Variants in ADAM18 observed in about 807,000 individuals in gnomAD.
ADAM18 encodes the protein ADAM metallopeptidase domain 18, also known as disintegrin and metalloproteinase domain-containing protein 18.
A neutral mutation model predicts 94.4 loss-of-function variants in ADAM18; 117 were observed. The observed-to-expected ratio is 1.24, with a 90% confidence interval of 1.07 to 1.45. The LOEUF is 1.45. ADAM18 is among the 40% of genes most tolerant of loss of function. The pLI, the probability that ADAM18 is intolerant of heterozygous loss-of-function variation, is 0.00. For synonymous variants in ADAM18, 327 were observed against 291.6 expected (o/e 1.12, Z -1.24); for missense variants, 936 against 880.0 (o/e 1.06, Z -0.81).
At chr8:39,718,274 A>G (rs1822636757) in intron 18 of ADAM18, among the ~76,000 whole-genome samples, 1 of 151,604 alleles carries the variant, frequency 6.6e-6, no homozygotes, top group Non-Finnish European at 1.5e-5. Flanking sequence ...TATCCATCAT[A>G]GCACTATTCA....
At chr8:39,586,802 ATATC>A (rs71518173) in intron 2 of ADAM18, among the ~76,000 whole-genome samples, 19,288 of 130,268 alleles carry the variant, frequency 0.15, 1,494 homozygotes, top group Non-Finnish European at 0.2. Context: ...CTATCTATCT[ATATC>A]TATCTATCTA....
At chr8:39,615,764 A>G (rs1819421470) in intron 6 of ADAM18, among the ~76,000 whole-genome samples, 1 of 152,170 alleles carries the variant, frequency 6.6e-6, no homozygotes, top group Non-Finnish European at 1.5e-5. Context: ...GAAGAGGTCA[A>G]TCTCTCTCTC....
intron 18 of ADAM18, among the ~76,000 whole-genome samples, chr8:39,720,139 CTGT>C (rs1367466386): frequency 6.6e-6 from 1 of 151,456 alleles, no homozygotes; most frequent in African/African-American, 2.4e-5. Context: ...AAGAAATAAA[CTGT>C]TGTTATATAC....
chr8:39,611,353 T>G, intron 6 of ADAM18: 1 of 789,852 alleles, frequency 1.3e-6, no homozygotes, highest in Non-Finnish European at 1.5e-6. Flanking sequence ...TTACCATACT[T>G]GGAGCTCAAA....
At position 39,584,687 on chromosome 8, in the gene ADAM18, T is replaced by TG; in HGVS notation, c.55+13dup. Reference sequence around the variant, plus strand: ...CTGCAAGCCCACGAAGGTAAGTCCATGGGAGCCTCCCCTTTCTTCTTCGAC... The same window carrying TG: ...CTGCAAGCCCACGAAGGTAAGTCCATGGGGAGCCTCCCCTTTCTTCTTCGAC... On this transcript the variant is annotated intron_variant, in intron 1 of 19. Coordinates refer to ENST00000265707, the MANE Select transcript of ADAM18 (RefSeq NM_014237.3). 6.2e-7 allele frequency: 1 copy of TG among 1,612,656 alleles called. No individual in the cohort carries two copies. Among genetic ancestry groups the TG allele is most frequent in the Non-Finnish European group, 8.5e-7 (1 of 1,179,912 alleles).
intron 18 of ADAM18, among the ~76,000 whole-genome samples, chr8:39,719,491 A>C (rs981523158): frequency 6.6e-6 from 1 of 151,388 alleles, no homozygotes; most frequent in East Asian, 1.9e-4. Context: ...GACTTTTGCT[A>C]TTCAAAAGCC....
intron 14 of ADAM18, among the ~76,000 whole-genome samples, chr8:39,674,690 A>G (rs532112772): frequency 6.6e-6 from 1 of 152,256 alleles, no homozygotes; most frequent in African/African-American, 2.4e-5. Context: ...TATTTTTCCC[A>G]TTAATTGATG....
chr8:39,644,097 A>C (rs186674393), intron 10 of ADAM18, among the ~76,000 whole-genome samples: 3 of 152,166 alleles, frequency 2.0e-5, no homozygotes, highest in Non-Finnish European at 1.5e-5. Context: ...TTAGTTATGC[A>C]TTACACAGAT....
intron 6 of ADAM18, among the ~76,000 whole-genome samples, chr8:39,611,736 A>G (rs533599967): frequency 3.8e-4 from 58 of 152,298 alleles, no homozygotes; most frequent in African/African-American, 1.3e-3. Flanking sequence ...GTGGAGAAAA[A>G]AAAAAGTGCC....
intron 10 of ADAM18, among the ~76,000 whole-genome samples, chr8:39,639,950 A>G (rs1563286862): frequency 6.6e-6 from 1 of 152,066 alleles, no homozygotes; most frequent in Non-Finnish European, 1.5e-5. Context: ...ATGAGCTCCT[A>G]TAATTTACTG....
At chr8:39,649,515 ATTTT>A (rs1213348798) in intron 12 of ADAM18, among the ~76,000 whole-genome samples, 2 of 152,146 alleles carry the variant, frequency 1.3e-5, no homozygotes, top group African/African-American at 4.8e-5. Flanking sequence ...AATACTAGCT[ATTTT>A]TTATGAATCA....
At chr8:39,677,662 T>C (rs963828594) in intron 15 of ADAM18, 126 bp downstream of exon 15, 19 of 622,636 alleles carry the variant, frequency 3.1e-5, no homozygotes, top group African/African-American at 9.6e-5. Flanking sequence ...CCAATGCATA[T>C]ATTTTTTCTA....
chr8:39,692,547 C>T (rs1420936166), intron 16 of ADAM18, 53 bp from the exon 17 acceptor site: 9 of 1,146,074 alleles, frequency 7.9e-6, no homozygotes, highest in South Asian at 1.6e-5. Context: ...AATGTTTTTT[C>T]TTGTTTTATA....
At chr8:39,630,190 A>G (rs1028029956) in intron 7 of ADAM18, among the ~76,000 whole-genome samples, 7 of 151,906 alleles carry the variant, frequency 4.6e-5, no homozygotes, top group African/African-American at 1.4e-4. Context: ...GTTTTTGAAT[A>G]AATACACTTC....
chr8:39,590,624 A>G (rs953269828), intron 2 of ADAM18, among the ~76,000 whole-genome samples: 15 of 152,248 alleles, frequency 9.9e-5, no homozygotes, highest in African/African-American at 3.6e-4. Flanking sequence ...AATGAATGCT[A>G]TCATTCCTTT....
chr8:39,589,414 A>C (rs996736117), intron 2 of ADAM18, among the ~76,000 whole-genome samples: 12 of 152,320 alleles, frequency 7.9e-5, no homozygotes, highest in African/African-American at 2.9e-4. Flanking sequence ...GAGAAGAACC[A>C]TCTATGCAGA....
intron 16 of ADAM18, among the ~76,000 whole-genome samples, chr8:39,690,302 G>T (rs1010578779): frequency 6.6e-6 from 1 of 152,064 alleles, no homozygotes; most frequent in South Asian, 2.1e-4. Context: ...CTTAGGAGGG[G>T]ATTACAGGAG....
At chr8:39,683,407 G>A (rs572012478) in intron 16 of ADAM18, among the ~76,000 whole-genome samples, 3 of 152,292 alleles carry the variant, frequency 2.0e-5, no homozygotes, top group African/African-American at 7.2e-5. Context: ...GATAATATGT[G>A]TATTGTTTCC....
intron 2 of ADAM18, among the ~76,000 whole-genome samples, chr8:39,585,932 A>G (rs1292574195): frequency 6.6e-6 from 1 of 152,206 alleles, no homozygotes. Context: ...TCAGTCTTGC[A>G]TGTTTTCTTG....
Sources: allele counts gnomAD v4.1 joint callset (sites outside exome capture counted in the v4.1 genomes callset), GRCh38; gene constraint gnomAD v4.1.1; transcripts MANE v1.5; gene names NCBI Gene and HGNC (gene_info 2026-07-23, HGNC 2026-07-21).